PREX1: variants seen among roughly 807,000 people sequenced by gnomAD.
PREX1 encodes the protein phosphatidylinositol-3,4,5-trisphosphate dependent Rac exchange factor 1.
In PREX1, 41 loss-of-function variants were observed where a neutral mutation model predicts 198.3. The observed-to-expected ratio is 0.21, with a 90% confidence interval of 0.16 to 0.27. PREX1 has a LOEUF of 0.27. PREX1 is among the 10% of genes least tolerant of loss of function. The pLI is 1.00. For synonymous variants in PREX1, 843 were observed against 887.2 expected (o/e 0.95, Z 0.89); for missense variants, 1,620 against 2,200.7 (o/e 0.74, Z 5.28).
At chr20:48,692,545 G>A (rs1340028253) in intron 8 of PREX1, 127 bp downstream of exon 8, 13 of 718,340 alleles carry the variant, frequency 1.8e-5, no homozygotes, top group Non-Finnish European at 3.0e-5. Flanking sequence ...CTATGCTCTG[G>A]GCACTTTTCT....
rs570441950 is a variant in PREX1 at position 48,756,136 on chromosome 20, C to T, written c.220-8256G>A. 1.1e-3 allele frequency among the ~76,000 whole-genome samples: 170 copies of T among 152,326 alleles called. 5 individuals carry two copies. In the South Asian group the frequency reaches 0.033, roughly 30 times the overall value. On this transcript the variant is annotated intron_variant, in intron 1 of 39. Coordinates refer to ENST00000371941, the MANE Select transcript of PREX1 (RefSeq NM_020820.4). Reference sequence around the variant, plus strand: ...TTCTGCAGAAGAGCCTCTGAGCTGCCGACCAGCCCTCCTTCTCTGAGTCAA... The same window carrying T: ...TTCTGCAGAAGAGCCTCTGAGCTGCTGACCAGCCCTCCTTCTCTGAGTCAA...
intron 1 of PREX1, among the ~76,000 whole-genome samples, chr20:48,774,209 C>A (rs1372898762): frequency 6.6e-6 from 1 of 152,232 alleles, no homozygotes; most frequent in Non-Finnish European, 1.5e-5. Context: ...GTCAGCAAAT[C>A]CTTGCACAAT....
intron 31 of PREX1, among the ~76,000 whole-genome samples, chr20:48,636,886 T>C (rs2089369615): frequency 6.6e-6 from 1 of 152,242 alleles, no homozygotes; most frequent in African/African-American, 2.4e-5. Context: ...CAAGCCCATT[T>C]GCCAAAACTG....
chr20:48,630,742 C>A lies in PREX1; in HGVS notation c.4579G>T (p.Val1527Leu). The change falls in exon 36 of 40, where the codon GTA becomes TTA. Residue 1527 changes from valine to leucine, a missense_variant. Physicochemically the swap from Val to Leu is conservative, Grantham distance 32 (BLOSUM62 1). This residue lies in a region of PREX1 where 476 missense variants were observed against 603.4 expected (regional missense o/e 0.79). Transcript: ENST00000371941. ...NLPTDASTTA[V>L]KIDQLIRPIN... ...CGTGGACATACCTGGTCTATCTTTA[C>A]CGCCGTGGTGCTGGCATCCGTGGGC... The A allele has an allele frequency of 6.3e-7, 1 of 1,597,308 alleles. No individual in the cohort carries two copies. The highest frequency in any genetic ancestry group is 8.6e-7 in the Non-Finnish European group (1 of 1,164,794).
chr20:48,701,074 G>C (rs922418840), intron 6 of PREX1, among the ~76,000 whole-genome samples, 188 bp from the exon 7 acceptor site: 1 of 152,150 alleles, frequency 6.6e-6, no homozygotes, highest in African/African-American at 2.4e-5. Context: ...GAAAATCCTG[G>C]GGAGGGCACA....
chr20:48,747,455 G>A (rs1020898663), intron 2 of PREX1, among the ~76,000 whole-genome samples: 6 of 152,246 alleles, frequency 3.9e-5, no homozygotes, highest in African/African-American at 1.4e-4. Flanking sequence ...GGAGGTGCCC[G>A]GCTCCCGGGG....
chr20:48,712,195 A>G (rs1295620160), intron 5 of PREX1, among the ~76,000 whole-genome samples: 2 of 152,172 alleles, frequency 1.3e-5, no homozygotes, highest in Non-Finnish European at 2.9e-5. Context: ...TTGCCTCCCA[A>G]TGGCCCTAGC....
chr20:48,692,564 A>G (rs2123048864), intron 8 of PREX1, 108 bp downstream of exon 8: 1 of 893,538 alleles, frequency 1.1e-6, no homozygotes, highest in Non-Finnish European at 1.7e-6. Context: ...CTGTAGGTAG[A>G]TTACATCTCA....
upstream of PREX1, among the ~76,000 whole-genome samples, chr20:48,829,301 G>A (rs2090529486): frequency 6.6e-6 from 1 of 152,158 alleles, no homozygotes; most frequent in South Asian, 2.1e-4. Context: ...TATCGTCTCT[G>A]CAGGGGATAA....
rs1203138141 is a variant in PREX1, at chr20:48,624,605, C to T, written c.*1280G>A. 1 of 152,306 alleles carries T rather than the reference C, an allele frequency of 6.6e-6. No individual in the cohort carries two copies. Among genetic ancestry groups the T allele is most frequent in the East Asian group, 1.9e-4 (1 of 5,200 alleles). The allele number at this position is 152,306 out of a possible 1,614,324, so 9.4% of individuals were successfully genotyped here. The stretch of plus-strand genomic sequence containing the variant: ...GTGACAGGCGTCCCCCCGCTTCCTC[C>T]CCAGCTGTGACCTTTCCCTGAAGGC... On this transcript the variant is annotated 3_prime_UTR_variant, in exon 40 of 40. Transcript: ENST00000371941.
rs1302078031 is a variant in PREX1 at position 48,719,464 on chromosome 20, T to C, written c.621+6826A>G. On this transcript the variant is annotated intron_variant, in intron 5 of 39. Coordinates refer to ENST00000371941, the MANE Select transcript of PREX1 (RefSeq NM_020820.4). The stretch of plus-strand genomic sequence containing the variant: ...CAGGATGAAGGGGTGGGCACTGTGG[T>C]TGGGGGAGGATGGGGTCAGGGTAGA... Among the ~76,000 whole-genome samples the C allele has an allele frequency of 2.6e-5, 4 of 151,740 alleles. No individual in the cohort carries two copies. In the South Asian group the frequency reaches 6.2e-4, roughly 24 times the overall value.
rs1403735133 is a variant in PREX1, at chr20:48,629,504, G to A, written c.4711C>T (p.Leu1571Phe). The A allele has an allele frequency of 3.7e-6, 6 of 1,614,076 alleles. No individual in the cohort carries two copies. The highest frequency in any genetic ancestry group is 3.4e-6 in the Non-Finnish European group (4 of 1,179,936). Residue 1571 changes from leucine (L) to phenylalanine (F), a missense_variant, in exon 37 of 40, where the codon CTC becomes TTC. Transcript: ENST00000371941. ...TGGCAGGCCCCCAGGCGGTAGCAGA[G>A]CTCCGAGGAGATGGGGATGAGGCCG... ...GAGLIPISSE[L>F]CYRLGACQMV...
At chr20:48,884,313 T>G in the PREX1 span, among the ~76,000 whole-genome samples, 5 of 152,124 alleles carry the variant, frequency 3.3e-5, no homozygotes, top group African/African-American at 1.2e-4. Flanking sequence ...ATCAAGACAG[T>G]GTGGCGTTGG....
chr20:48,783,072 C>T (rs764770059), intron 1 of PREX1, among the ~76,000 whole-genome samples: 5 of 152,200 alleles, frequency 3.3e-5, no homozygotes, highest in Non-Finnish European at 7.3e-5. Flanking sequence ...GCTGCGTGAC[C>T]TTGGGCAAGA....
chr20:48,690,871 TA>T, intron 9 of PREX1, 75 bp downstream of exon 9: 1 of 1,595,502 alleles, frequency 6.3e-7, no homozygotes, highest in Non-Finnish European at 8.5e-7. Context: ...GCCCCTTCCC[TA>T]GACACAGCCC....
chr20:48,645,402 G>A (rs2089443623), intron 26 of PREX1, among the ~76,000 whole-genome samples: 1 of 152,176 alleles, frequency 6.6e-6, no homozygotes, highest in Non-Finnish European at 1.5e-5. Context: ...GGACCTCACT[G>A]ATCTTGTTAT....
chr20:48,825,133 G>A (rs559643347), intron 1 of PREX1, among the ~76,000 whole-genome samples: 11 of 152,166 alleles, frequency 7.2e-5, no homozygotes, highest in Non-Finnish European at 1.5e-4. Flanking sequence ...CTAAGCCCCA[G>A]GTTAGTTTTG....
the PREX1 span, among the ~76,000 whole-genome samples, chr20:48,844,687 C>T: frequency 6.6e-6 from 1 of 152,128 alleles, no homozygotes. Flanking sequence ...GAACGGAGAC[C>T]GTGCCATCAT....
the PREX1 span, among the ~76,000 whole-genome samples, chr20:48,871,886 G>A: frequency 9.9e-5 from 15 of 151,848 alleles, no homozygotes; most frequent in Admixed American, 4.6e-4. Flanking sequence ...TCGGCCGGGC[G>A]TGGTGGTTCA....
Sources: gnomAD v4.1 joint callset for allele counts (sites outside exome capture counted in the v4.1 genomes callset) on GRCh38, gnomAD v4.1.1 for gene constraint, gnomAD v4.1.1 regional missense constraint, MANE v1.5 for transcripts, NCBI Gene and HGNC (gene_info 2026-07-23, HGNC 2026-07-21) for gene names.